FBRSL1: variants seen among roughly 807,000 people sequenced by gnomAD.
The protein encoded by FBRSL1 is fibrosin like 1.
FBRSL1 carries 51 observed loss-of-function variants against 89.6 expected under a neutral mutation model. The ratio of observed to expected loss-of-function variants is 0.57; its 90% CI spans 0.45 to 0.72. FBRSL1 has a LOEUF of 0.72. FBRSL1 is among the 30% of genes least tolerant of loss of function. FBRSL1 has a pLI of 0.00. For missense variants in FBRSL1, 1,618 were observed against 1,451.8 expected, an observed-to-expected ratio of 1.11 and a Z score of -1.86; for synonymous variants, 779 against 681.1, an observed-to-expected ratio of 1.14 and a Z score of -2.24.
intron 1 of FBRSL1, among the ~76,000 whole-genome samples, chr12:132,498,462 G>C (rs1288779710): frequency 6.6e-6 from 1 of 152,174 alleles, no homozygotes; most frequent in Non-Finnish European, 1.5e-5. Flanking sequence ...GACCCCTCCC[G>C]GCCCCTAGCC....
chr12:132,498,588 G>C (rs2032447533), intron 1 of FBRSL1, among the ~76,000 whole-genome samples: 1 of 152,244 alleles, frequency 6.6e-6, no homozygotes, highest in African/African-American at 2.4e-5. Flanking sequence ...TGGAAGTCTG[G>C]GTTCTCCTGC....
At chr12:132,551,549 C>T (rs865779210) in intron 5 of FBRSL1, 53 of 456,178 alleles carry the variant, frequency 1.2e-4, no homozygotes, top group Middle Eastern at 3.2e-4. Flanking sequence ...CCCACACCTG[C>T]GGGTTTGAGC....
At chr12:132,495,201 G>A (rs1301536035) in intron 1 of FBRSL1, among the ~76,000 whole-genome samples, 2 of 152,250 alleles carry the variant, frequency 1.3e-5, no homozygotes, top group African/African-American at 4.8e-5. Flanking sequence ...GTCTCTCTGT[G>A]AGCCCCTAGT....
chr12:132,525,618 G>A (rs539563100), intron 2 of FBRSL1, 116 bp from the exon 3 acceptor site: 11 of 802,278 alleles, frequency 1.4e-5, no homozygotes, highest in Non-Finnish European at 2.0e-5. Context: ...CTGTCGGGGC[G>A]CCTGGGGCCG....
chr12:132,515,040 G>C (rs1263899047), intron 2 of FBRSL1, among the ~76,000 whole-genome samples: 1 of 152,032 alleles, frequency 6.6e-6, no homozygotes, highest in African/African-American at 2.4e-5. Context: ...AGGGAGGTGT[G>C]GGGGGTCCAG....
At chr12:132,492,854 T>G (rs982065538) in intron 1 of FBRSL1, among the ~76,000 whole-genome samples, 2 of 152,202 alleles carry the variant, frequency 1.3e-5, no homozygotes, top group African/African-American at 4.8e-5. Context: ...AGTCATAACC[T>G]CGTGATCATC....
chr12:132,572,427 C>G, intron 10 of FBRSL1, 83 bp downstream of exon 10: 1 of 1,513,342 alleles, frequency 6.6e-7, no homozygotes, highest in Non-Finnish European at 9.0e-7. Flanking sequence ...TGCCCCTCGC[C>G]TGGCCTCGCC....
Position 132,508,328 on chromosome 12 carries a change from T to C in FBRSL1, c.467T>C (p.Val156Ala). ...CCCGCCTGCGATGGGGCGAGAAAGG[T>C]CCCACTGCAGCCCTCCAAGCAGGTG... ...LEPACDGARK[V>A]PLQPSKQMKV... is the part of the protein sequence containing the mutation. The change falls in exon 2 of 19, where the codon GTC becomes GCC. Residue 156 changes from valine (V) to alanine (A), a missense_variant. Physicochemically the swap from Val to Ala is moderately conservative, Grantham distance 64. Coordinates refer to ENST00000680143, the MANE Select transcript of FBRSL1 (RefSeq NM_001367871.1). 3 of 1,538,298 alleles carry C rather than the reference T, an allele frequency of 2.0e-6. No individual in the cohort carries two copies. Among genetic ancestry groups the C allele is most frequent in the Non-Finnish European group, 2.6e-6 (3 of 1,141,776 alleles).
intron 1 of FBRSL1, among the ~76,000 whole-genome samples, chr12:132,496,413 C>T (rs772816719): frequency 4.6e-5 from 7 of 152,166 alleles, no homozygotes; most frequent in Non-Finnish European, 8.8e-5. Context: ...CCGAGGGGCC[C>T]GTGTTGCGTA....
chr12:132,490,507 C>T lies in FBRSL1; in HGVS notation c.-64C>T. 2.1e-6 allele frequency: 2 copies of T among 956,220 alleles called. No individual in the cohort carries two copies. Among genetic ancestry groups the T allele is most frequent in the Non-Finnish European group, 2.5e-6 (2 of 806,706 alleles). 59.2% of individuals were successfully genotyped at this position (956,220 alleles called of 1,614,324 possible). On this transcript the variant is annotated 5_prime_UTR_variant, in exon 1 of 19. Transcript: ENST00000680143. ...GGCGGCGCCGCGTAGCCGAGGGAGCCCGCCTGCTGCGAGCCAGGCGCGGGG... is the reference window on the plus strand; with the variant it reads ...GGCGGCGCCGCGTAGCCGAGGGAGCTCGCCTGCTGCGAGCCAGGCGCGGGG...
chr12:132,490,406 C>A lies in FBRSL1; in HGVS notation c.-165C>A, dbSNP rs1427093583. ...CCGGGCCCGGGGCTGAGCCGCCCCCCGCGCCCGGCATGCCCGGCCCGGCCC... is the reference window on the plus strand; with the variant it reads ...CCGGGCCCGGGGCTGAGCCGCCCCCAGCGCCCGGCATGCCCGGCCCGGCCC... On this transcript the variant is annotated 5_prime_UTR_variant, in exon 1 of 19. Coordinates refer to ENST00000680143, the MANE Select transcript of FBRSL1 (RefSeq NM_001367871.1). 7.3e-5 allele frequency: 23 copies of A among 314,752 alleles called. No homozygotes were observed. The highest frequency in any genetic ancestry group is 1.0e-4 in the Non-Finnish European group (23 of 224,096). 19.5% of individuals were successfully genotyped at this position (314,752 alleles called of 1,614,324 possible).
chr12:132,531,097 C>CA (rs1411814058), intron 4 of FBRSL1, among the ~76,000 whole-genome samples: 2 of 151,912 alleles, frequency 1.3e-5, no homozygotes, highest in Non-Finnish European at 2.9e-5. Flanking sequence ...TCTTCCCCGG[C>CA]ACTGAGGACT....
rs555665082 is a variant in FBRSL1 at position 132,490,782 on chromosome 12, G to A, written c.212G>A (p.Arg71His). 4.1e-5 allele frequency: 50 copies of A among 1,229,372 alleles called. No individual in the cohort carries two copies. In the African/African-American group the frequency reaches 7.0e-4, roughly 17 times the overall value. 76.2% of individuals were successfully genotyped at this position (1,229,372 alleles called of 1,614,324 possible). A position where few individuals can be genotyped will look rare whatever the true frequency, so the allele number is the denominator to read the frequency against. ...PRTARPPRRRRRESSSQEEEV... is the reference protein window; with the variant it reads ...PRTARPPRRRHRESSSQEEEV... ...ACCGCGCGTCCCCCGCGCCGCCGCCGCCGCGAGTCCAGCTCGCAGGAGGAG... is the reference window on the plus strand; with the variant it reads ...ACCGCGCGTCCCCCGCGCCGCCGCCACCGCGAGTCCAGCTCGCAGGAGGAG... Residue 71 changes from arginine (R) to histidine (H), a missense_variant, in exon 1 of 19, where the codon CGC (arginine) becomes CAC (histidine). Transcript: ENST00000680143.
chr12:132,576,015 C>T (rs1403024255), intron 14 of FBRSL1, among the ~76,000 whole-genome samples: 1 of 152,164 alleles, frequency 6.6e-6, no homozygotes, highest in Non-Finnish European at 1.5e-5. Flanking sequence ...GGCCCTGCCT[C>T]CCACAGCCGC....
chr12:132,582,298 A>G (rs1384539972), intron 18 of FBRSL1, 32 bp downstream of exon 18: 2 of 1,522,422 alleles, frequency 1.3e-6, no homozygotes, highest in Non-Finnish European at 1.8e-6. Context: ...TATCCCCACC[A>G]CACACCCCTA....
chr12:132,544,569 GT>G (rs2037525139), intron 4 of FBRSL1, among the ~76,000 whole-genome samples: 1 of 152,150 alleles, frequency 6.6e-6, no homozygotes, highest in Non-Finnish European at 1.5e-5. Context: ...GAGGATGAGG[GT>G]GAGGACGATG....
chr12:132,506,751 G>A (rs2033732182), intron 1 of FBRSL1, among the ~76,000 whole-genome samples: 1 of 152,276 alleles, frequency 6.6e-6, no homozygotes, highest in Non-Finnish European at 1.5e-5. Context: ...CAGGAACTCT[G>A]GAGGCCATGG....
intron 1 of FBRSL1, among the ~76,000 whole-genome samples, chr12:132,495,710 G>A (rs1448701626): frequency 2.6e-5 from 4 of 152,236 alleles, no homozygotes; most frequent in Admixed American, 2.0e-4. Context: ...TCCCACAGCT[G>A]TGGGCAAGGG....
At chr12:132,519,093 T>A (rs2035119443) in intron 2 of FBRSL1, among the ~76,000 whole-genome samples, 1 of 152,286 alleles carries the variant, frequency 6.6e-6, no homozygotes, top group African/African-American at 2.4e-5. Context: ...CCTGACACTG[T>A]GCTGACTCAG....
Sources: allele counts gnomAD v4.1 joint callset (sites outside exome capture counted in the v4.1 genomes callset), GRCh38; gene constraint gnomAD v4.1.1; transcripts MANE v1.5; gene names NCBI Gene and HGNC (gene_info 2026-07-23, HGNC 2026-07-21).